The following CSNK1G1 variants were observed in gnomAD, a reference collection of about 807,000 sequenced individuals.
CSNK1G1 encodes the protein casein kinase I isoform gamma-1.
In CSNK1G1, 22 loss-of-function variants were observed where a neutral mutation model predicts 59.6. That is an observed-to-expected ratio of 0.37 (90% confidence interval 0.26 to 0.53). CSNK1G1 has a LOEUF of 0.53. CSNK1G1 is among the 20% of genes least tolerant of loss of function. The probability of loss-of-function intolerance (pLI) is 0.89; values close to 1 mark genes in which losing one functional copy is unlikely to be tolerated. For missense variants in CSNK1G1, 384 were observed against 519.5 expected, an observed-to-expected ratio of 0.74 and a Z score of 2.54; for synonymous variants, 179 against 177.1, an observed-to-expected ratio of 1.01 and a Z score of -0.08.
chr15:64,334,300 G>A (rs1897263004), intron 1 of CSNK1G1, among the ~76,000 whole-genome samples: 1 of 152,080 alleles, frequency 6.6e-6, no homozygotes, highest in Non-Finnish European at 1.5e-5. Flanking sequence ...TTACAGGAGT[G>A]AGCCACCGTG....
At chr15:64,228,140 C>T (rs1429599360) in intron 4 of CSNK1G1, among the ~76,000 whole-genome samples, 1 of 152,150 alleles carries the variant, frequency 6.6e-6, no homozygotes, top group Non-Finnish European at 1.5e-5. Context: ...ATCAGCTCCA[C>T]AAACACTATC....
At chr15:64,222,667 A>G (rs1234955152) in intron 4 of CSNK1G1, among the ~76,000 whole-genome samples, 1 of 151,574 alleles carries the variant, frequency 6.6e-6, no homozygotes, top group African/African-American at 2.4e-5. Context: ...AAATATCTTT[A>G]AAACTTAAAA....
rs556438405 is a variant in CSNK1G1 at position 64,349,665 on chromosome 15, T to C, written c.-225+6323A>G. Among the ~76,000 whole-genome samples, 3 of 152,330 alleles carry C rather than the reference T, an allele frequency of 2.0e-5. No homozygotes were observed. The South Asian group carries it at 6.2e-4, about 32-fold the overall frequency. On this transcript the variant is annotated intron_variant, in intron 1 of 11. Transcript: ENST00000303052. ...TTTCTGGGATACCACACTAGTGCTA[T>C]TTCAATTTCTCTGAGATGACTGAGT...
At chr15:64,267,022 G>A (rs551916661) in intron 2 of CSNK1G1, among the ~76,000 whole-genome samples, 18 of 152,076 alleles carry the variant, frequency 1.2e-4, no homozygotes, top group African/African-American at 3.9e-4. Context: ...TTGGGAGGCC[G>A]AGGTGGGTGG....
At chr15:64,342,292 C>T (rs988646165) in intron 1 of CSNK1G1, among the ~76,000 whole-genome samples, 5 of 152,194 alleles carry the variant, frequency 3.3e-5, no homozygotes, top group African/African-American at 1.2e-4. Context: ...ATCTGTAAAA[C>T]TGGAATAGCC....
intron 2 of CSNK1G1, among the ~76,000 whole-genome samples, chr15:64,282,631 G>A (rs1164993857): frequency 1.3e-5 from 2 of 152,176 alleles, no homozygotes; most frequent in African/African-American, 4.8e-5. Context: ...ATAGTAGTAT[G>A]TATCTTTATT....
Position 64,166,289 on chromosome 15 carries a change from G to A in CSNK1G1, c.*5642C>T. ...AATTAGAGCATGTAATACATCCTAT[G>A]GGAATTGCTGAATCAACATTATTTT... On this transcript the variant is annotated 3_prime_UTR_variant, in exon 12 of 12. Transcript: ENST00000303052. The surrounding 1 kb of genome is among the most constrained non-coding windows in gnomAD (Gnocchi z 4.5). 2.9e-6 allele frequency: 1 copy of A among 340,704 alleles called. No homozygotes were observed. Among genetic ancestry groups the A allele is most frequent in the East Asian group, 4.4e-5 (1 of 22,628 alleles). The allele number at this position is 340,704 out of a possible 1,614,324, so 21.1% of individuals were successfully genotyped here. A position where few individuals can be genotyped will look rare whatever the true frequency, so the allele number is the denominator to read the frequency against.
intron 2 of CSNK1G1, among the ~76,000 whole-genome samples, chr15:64,268,103 T>C (rs903260281): frequency 6.6e-6 from 1 of 152,122 alleles, no homozygotes; most frequent in African/African-American, 2.4e-5. Flanking sequence ...TGTACATCAA[T>C]AGATGAAAAG....
intron 10 of CSNK1G1, among the ~76,000 whole-genome samples, chr15:64,196,035 G>C (rs2082034349): frequency 6.6e-6 from 1 of 152,002 alleles, no homozygotes; most frequent in African/African-American, 2.4e-5. Flanking sequence ...TTTGAGACCA[G>C]GAGGCCCTGT....
chr15:64,175,882 C>T lies in CSNK1G1; in HGVS notation c.1215-3897G>A, dbSNP rs535381488. 1.4e-4 allele frequency among the ~76,000 whole-genome samples: 22 copies of T among 152,318 alleles called. No individual in the cohort carries two copies. In the South Asian group the frequency reaches 3.7e-3, roughly 26 times the overall value. On this transcript the variant is annotated intron_variant, in intron 11 of 11. Transcript: ENST00000303052. ...ATCCAGCAACAACTCACTATCCTTG[C>T]GGCTGTGAGTAAACACAACTGCTAC... is the stretch of plus-strand genomic sequence containing the variant.
intron 1 of CSNK1G1, among the ~76,000 whole-genome samples, chr15:64,319,423 T>G (rs1896442772): frequency 6.6e-6 from 1 of 152,224 alleles, no homozygotes; most frequent in Non-Finnish European, 1.5e-5. Context: ...TATACCTTTT[T>G]TTTTTTTCCA....
intron 4 of CSNK1G1, among the ~76,000 whole-genome samples, chr15:64,249,416 G>A (rs544929845): frequency 9.9e-5 from 15 of 152,284 alleles, no homozygotes; most frequent in South Asian, 2.1e-4. Flanking sequence ...GATGCCCACC[G>A]CAGCTATTTT....
At chr15:64,256,867 T>C (rs753551831) in intron 3 of CSNK1G1, among the ~76,000 whole-genome samples, 4 of 152,084 alleles carry the variant, frequency 2.6e-5, no homozygotes, top group Non-Finnish European at 4.4e-5. Flanking sequence ...TACATTTCCA[T>C]AGAGGGCTGT....
Position 64,285,861 on chromosome 15 carries a change from GA to G in CSNK1G1, c.181+14457del, listed in dbSNP as rs78161001. 1.8e-3 allele frequency among the ~76,000 whole-genome samples: 256 copies of G among 141,196 alleles called. 1 individual carries two copies. The highest frequency in any genetic ancestry group is 4.9e-3 in the African/African-American group (192 of 38,942). The allele number at this position is 141,196 out of a possible 152,430, so 92.6% of individuals were successfully genotyped here. A position where few individuals can be genotyped will look rare whatever the true frequency, so the allele number is the denominator to read the frequency against. On this transcript the variant is annotated intron_variant, in intron 2 of 11. Transcript: ENST00000303052. ...GTTAATTTATCTTCTCCAAGAAGGG[GA>G]AAAAAAAAAAACGATGACTTGTAAT...
rs558293114 is a variant in CSNK1G1 at position 64,265,174 on chromosome 15, A to C, written c.182-5933T>G. Among the ~76,000 whole-genome samples the C allele has an allele frequency of 4.7e-4, 72 of 152,372 alleles. 1 individual carries two copies. The South Asian group carries it at 0.014, about 29-fold the overall frequency. On this transcript the variant is annotated intron_variant, in intron 2 of 11. Transcript: ENST00000303052. ...TGAATTCAGTAAAGTTACAGGATAC[A>C]AAATTAACATACAAAAATTAGTAGC...
In CSNK1G1 at chr15:64,176,264, C is replaced by T. The variant is rs2081740187; in HGVS notation, c.1214+4084G>A. On this transcript the variant is annotated intron_variant, in intron 11 of 11. Coordinates refer to ENST00000303052, the MANE Select transcript of CSNK1G1 (RefSeq NM_022048.5). The surrounding 1 kb of genome is among the most constrained non-coding windows in gnomAD (Gnocchi z 5.2). The stretch of plus-strand genomic sequence containing the variant: ...ATGGACTGGAGAGAGGGACTCACCA[C>T]AGGTTGAGCATTTTCAGGCAGCTAC... The T allele has an allele frequency of 5.0e-6, 2 of 398,720 alleles. No homozygotes were observed. The highest frequency in any genetic ancestry group is 2.5e-4 in the South Asian group (2 of 7,860). 24.7% of individuals were successfully genotyped at this position (398,720 alleles called of 1,614,324 possible). A position where few individuals can be genotyped will look rare whatever the true frequency, so the allele number is the denominator to read the frequency against.
intron 2 of CSNK1G1, among the ~76,000 whole-genome samples, chr15:64,263,967 G>A (rs1298537752): frequency 2.6e-5 from 4 of 151,838 alleles, no homozygotes; most frequent in Non-Finnish European, 5.9e-5. Flanking sequence ...AATTTCCAGA[G>A]GACAGTAACG....
intron 10 of CSNK1G1, chr15:64,181,395 T>A: frequency 6.5e-7 from 1 of 1,535,420 alleles, no homozygotes; most frequent in Non-Finnish European, 8.7e-7. Flanking sequence ...GGGGCCTCAC[T>A]GCTGGACAAA....
intron 2 of CSNK1G1, among the ~76,000 whole-genome samples, chr15:64,295,795 T>C (rs536769998): frequency 1.2e-4 from 19 of 152,350 alleles, no homozygotes; most frequent in African/African-American, 4.6e-4. Context: ...TGTCACTCTG[T>C]TGTAAAACTC....
Sources: allele counts gnomAD v4.1 joint callset (sites outside exome capture counted in the v4.1 genomes callset), GRCh38; gene constraint gnomAD v4.1.1; non-coding constraint Gnocchi (gnomAD v3.1); transcripts MANE v1.5; gene names NCBI Gene and HGNC (gene_info 2026-07-23, HGNC 2026-07-21).